UNC13B: variants seen among roughly 807,000 people sequenced by gnomAD.
UNC13B encodes protein unc-13 homolog B.
In UNC13B, 144 loss-of-function variants were observed where a neutral mutation model predicts 211.0. That is an observed-to-expected ratio of 0.68 (90% CI 0.60 to 0.78). The LOEUF (loss-of-function observed/expected upper bound fraction) is 0.78, where lower values mean the gene tolerates loss of function less well. UNC13B is among the 30% of genes least tolerant of loss of function. The pLI is 0.00. For synonymous variants in UNC13B, 709 were observed against 725.8 expected (o/e 0.98, Z 0.37); for missense variants, 1,777 against 2,002.0 (o/e 0.89, Z 2.14).
chr9:35,392,252 G>A (rs1345631842), intron 26 of UNC13B, among the ~76,000 whole-genome samples: 2 of 152,196 alleles, frequency 1.3e-5, no homozygotes, highest in Non-Finnish European at 2.9e-5. Flanking sequence ...CTCTTGAGCA[G>A]AGATGCAATG....
rs1018388201 is a variant in UNC13B, at chr9:35,307,515, C to G, written c.8111C>G (p.Thr2704Ser). 2 of 398,908 alleles carry G rather than the reference C, an allele frequency of 5.0e-6. No individual in the cohort carries two copies. Among genetic ancestry groups the G allele is most frequent in the African/African-American group, 4.1e-5 (2 of 48,612 alleles). The allele number at this position is 398,908 out of a possible 1,614,324, so 24.7% of individuals were successfully genotyped here. A position where few individuals can be genotyped will look rare whatever the true frequency, so the allele number is the denominator to read the frequency against. The change falls in exon 9 of 40, where the codon ACT (threonine) becomes AGT (serine). Residue 2704 changes from threonine (T) to serine (S), a missense_variant. Thr to Ser is a moderately conservative substitution (Grantham distance 58). Transcript: ENST00000635942. ...LHPASSLETD[T>S]MLFNDASVSQ... Reference sequence around the variant, plus strand: ...CCAGCCAGTTCACTAGAAACTGATACTATGCTGTTCAATGATGCAAGTGTG... The same window carrying G: ...CCAGCCAGTTCACTAGAAACTGATAGTATGCTGTTCAATGATGCAAGTGTG...
rs765691716 is a variant in UNC13B, at chr9:35,237,753, C to T, written c.321C>T (p.Asp107=). 1.3e-5 allele frequency: 21 copies of T among 1,613,734 alleles called. No individual in the cohort carries two copies. The highest frequency in any genetic ancestry group is 3.3e-5 in the South Asian group (3 of 91,024). ...STLEAETLMK[D]DEICGTRNPT... is the part of the protein sequence containing the mutation. ...TAGAGGCAGAGACGTTAATGAAAGA[C>T]GATGAGATCTGTGGAACTAGAAACC... The change falls in exon 5 of 40, where the codon GAC becomes GAT. Residue 107 remains aspartate (D), a synonymous_variant. Transcript: ENST00000635942.
At chr9:35,222,231 G>A (rs575959996) in intron 1 of UNC13B, among the ~76,000 whole-genome samples, 14 of 152,218 alleles carry the variant, frequency 9.2e-5, no homozygotes, top group African/African-American at 3.4e-4. Context: ...TCTTGAATAT[G>A]TAGATTAATA....
intron 21 of UNC13B, among the ~76,000 whole-genome samples, 176 bp downstream of exon 21, chr9:35,382,683 C>T (rs1834936479): frequency 6.6e-6 from 1 of 151,912 alleles, no homozygotes; most frequent in South Asian, 2.1e-4. Flanking sequence ...CTTTCTCAGC[C>T]TCCTGAGTAG....
chr9:35,217,718 T>C (rs1824336185), intron 1 of UNC13B, among the ~76,000 whole-genome samples: 1 of 152,086 alleles, frequency 6.6e-6, no homozygotes, highest in Non-Finnish European at 1.5e-5. Flanking sequence ...TTCAATAGTT[T>C]ACAGGCAGTC....
chr9:35,289,002 G>GA lies in UNC13B; in HGVS notation c.527-6694_527-6693insA, dbSNP rs1291550664. 1.9e-3 allele frequency among the ~76,000 whole-genome samples: 18 copies of GA among 9,568 alleles called. No homozygotes were observed. In the South Asian group the frequency reaches 0.047, roughly 25 times the overall value. 6.3% of individuals were successfully genotyped at this position (9,568 alleles called of 152,430 possible). The stretch of plus-strand genomic sequence containing the variant: ...TTGCTATGGCAACTGTTCTACAGGA[G>GA]GGTTTTTTTTTTTTGCCTCCCCTCC... On this transcript the variant is annotated intron_variant, in intron 7 of 39. Coordinates refer to ENST00000635942, the MANE Select transcript of UNC13B (RefSeq NM_001371189.2).
chr9:35,307,704 A>G lies in UNC13B; in HGVS notation c.8300A>G (p.Asn2767Ser), dbSNP rs887351907. The G allele has an allele frequency of 5.0e-6, 2 of 399,012 alleles. No homozygotes were observed. Among genetic ancestry groups the G allele is most frequent in the Non-Finnish European group, 8.8e-6 (2 of 226,066 alleles). 24.7% of individuals were successfully genotyped at this position (399,012 alleles called of 1,614,324 possible). The change falls in exon 9 of 40, where the codon AAT (asparagine) becomes AGT (serine). Residue 2767 changes from asparagine to serine, a missense_variant. Coordinates refer to ENST00000635942, the MANE Select transcript of UNC13B (RefSeq NM_001371189.2). ...EQSRPRFEIP[N>S]VTTWPKLRLP... Reference sequence around the variant, plus strand: ...TCAAGACCACGTTTTGAGATCCCAAATGTGACCACTTGGCCAAAGCTTCGT... The same window carrying G: ...TCAAGACCACGTTTTGAGATCCCAAGTGTGACCACTTGGCCAAAGCTTCGT...
Position 35,308,246 on chromosome 9 carries a change from G to T in UNC13B, c.8842G>T (p.Ala2948Ser), listed in dbSNP as rs756018191. ...TACCAAAGCCAACCTGTCTAGCCCCGCCTGTCCTTCAGGGAAACATGAGGA... is the reference window on the plus strand; with the variant it reads ...TACCAAAGCCAACCTGTCTAGCCCCTCCTGTCCTTCAGGGAAACATGAGGA... ...WDTKANLSSP[A>S]CPSGKHEEEP... The change falls in exon 9 of 40, where the codon GCC becomes TCC. Residue 2948 changes from alanine to serine, a missense_variant. Coordinates refer to ENST00000635942, the MANE Select transcript of UNC13B (RefSeq NM_001371189.2). 7 of 399,022 alleles carry T rather than the reference G, an allele frequency of 1.8e-5. No individual in the cohort carries two copies. Among genetic ancestry groups the T allele is most frequent in the Non-Finnish European group, 2.7e-5 (6 of 226,194 alleles). The allele number at this position is 399,022 out of a possible 1,614,324, so 24.7% of individuals were successfully genotyped here.
chr9:35,249,150 C>T (rs936722030), intron 6 of UNC13B, among the ~76,000 whole-genome samples: 12 of 152,112 alleles, frequency 7.9e-5, no homozygotes, highest in African/African-American at 2.4e-4. Context: ...GGTTTAAAGT[C>T]TGTTTTATCA....
chr9:35,395,030 A>C (rs907465130), intron 26 of UNC13B, among the ~76,000 whole-genome samples: 2 of 152,050 alleles, frequency 1.3e-5, no homozygotes, highest in African/African-American at 4.8e-5. Flanking sequence ...AAAAGGAAGG[A>C]GGAGGGCCCT....
Position 35,319,752 on chromosome 9 carries a change from T to C in UNC13B, c.9414+5763T>C, listed in dbSNP as rs1830648405. Among the ~76,000 whole-genome samples, 3 of 152,040 alleles carry C rather than the reference T, an allele frequency of 2.0e-5. No individual in the cohort carries two copies. In the South Asian group the frequency reaches 6.2e-4, roughly 32 times the overall value. ...CACAGCTCACTGCAACCTTAACTCC[T>C]GGGCTCAAGCAACCCTTCACCTCAG... On this transcript the variant is annotated intron_variant, in intron 11 of 39. Coordinates refer to ENST00000635942, the MANE Select transcript of UNC13B (RefSeq NM_001371189.2).
intron 11 of UNC13B, among the ~76,000 whole-genome samples, chr9:35,327,079 C>T (rs1400462064): frequency 6.6e-6 from 1 of 152,194 alleles, no homozygotes; most frequent in Non-Finnish European, 1.5e-5. Context: ...AACTTGCAAC[C>T]TTTCTTCTCT....
chr9:35,270,460 C>T (rs530975610), intron 7 of UNC13B, among the ~76,000 whole-genome samples: 50 of 152,272 alleles, frequency 3.3e-4, no homozygotes, highest in African/African-American at 1.2e-3. Flanking sequence ...GTGAGAACCT[C>T]TGTTCCCAAG....
rs368981592 is a variant in UNC13B at position 35,252,788 on chromosome 9, G to T, written c.469-6205G>T. 7.4e-4 allele frequency among the ~76,000 whole-genome samples: 113 copies of T among 152,062 alleles called. 1 individual carries two copies. The South Asian group carries it at 0.018, about 25-fold the overall frequency. On this transcript the variant is annotated intron_variant, in intron 6 of 39. Coordinates refer to ENST00000635942, the MANE Select transcript of UNC13B (RefSeq NM_001371189.2). Reference sequence around the variant, plus strand: ...TACTAAAAATACAAAAAATTAGCCGGGCGTGTTGGCAGGTGCCTGTAGTCC... The same window carrying T: ...TACTAAAAATACAAAAAATTAGCCGTGCGTGTTGGCAGGTGCCTGTAGTCC...
chr9:35,397,345 C>A, intron 29 of UNC13B, 35 bp downstream of exon 29: 1 of 1,607,692 alleles, frequency 6.2e-7, no homozygotes, highest in Non-Finnish European at 8.5e-7. Context: ...TCCCCCTTAC[C>A]ACCACCACAC....
At chr9:35,208,771 C>T (rs552264198) in intron 1 of UNC13B, among the ~76,000 whole-genome samples, 7 of 152,182 alleles carry the variant, frequency 4.6e-5, no homozygotes, top group South Asian at 2.1e-4. Flanking sequence ...CCAGGCCCCA[C>T]CTCCAACACT....
At position 35,307,183 on chromosome 9, in the gene UNC13B, CAAT is replaced by C. The variant is rs1289533949; in HGVS notation, c.7784_7786del (p.Asn2595del). On this transcript the variant is annotated inframe_deletion, in exon 9 of 40. Coordinates refer to ENST00000635942, the MANE Select transcript of UNC13B (RefSeq NM_001371189.2). Reference sequence around the variant, plus strand: ...CTAAACTAACAACCAAAATGGAAGACAATAATACTCCTGAAAATATTCTGGAAC... The same window carrying C: ...CTAAACTAACAACCAAAATGGAAGACAATACTCCTGAAAATATTCTGGAAC... 1 of 398,738 alleles carries C rather than the reference CAAT, an allele frequency of 2.5e-6. No individual in the cohort carries two copies. The highest frequency in any genetic ancestry group is 2.1e-5 in the African/African-American group (1 of 48,590). The allele number at this position is 398,738 out of a possible 1,614,324, so 24.7% of individuals were successfully genotyped here. A position where few individuals can be genotyped will look rare whatever the true frequency, so the allele number is the denominator to read the frequency against.
intron 7 of UNC13B, among the ~76,000 whole-genome samples, chr9:35,262,786 G>C (rs1049250135): frequency 4.6e-5 from 7 of 152,060 alleles, no homozygotes; most frequent in South Asian, 2.1e-4. Context: ...ACAAAAATTA[G>C]TCAGGCATAG....
rs1464171528 is a variant in UNC13B, at chr9:35,397,206, G to T, written c.11572G>T (p.Val3858Leu). 1 of 1,614,180 alleles carries T rather than the reference G, an allele frequency of 6.2e-7. No individual in the cohort carries two copies. The highest frequency in any genetic ancestry group is 1.7e-5 in the Admixed American group (1 of 60,026). Residue 3858 changes from valine to leucine, a missense_variant, in exon 29 of 40, where the codon GTG (valine) becomes TTG (leucine). Transcript: ENST00000635942. ...AGAGCATGCACTCTTTTCCTGCTCT[G>T]TGGTGGATGTCTTCACACAACTCAA... ...TSEHALFSCS[V>L]VDVFTQLNQS...
Sources: gnomAD v4.1 joint callset for allele counts (sites outside exome capture counted in the v4.1 genomes callset) on GRCh38, gnomAD v4.1.1 for gene constraint, MANE v1.5 for transcripts, NCBI Gene and HGNC (gene_info 2026-07-23, HGNC 2026-07-21) for gene names.